The following TESK2 variants were observed in gnomAD, a reference collection of about 807,000 sequenced individuals.
The protein encoded by TESK2 is dual specificity testis-specific protein kinase 2.
Under a neutral mutation model 57.1 loss-of-function variants are expected in TESK2, and 39 were observed. The ratio of observed to expected loss-of-function variants is 0.68; its 90% confidence interval spans 0.53 to 0.89. The LOEUF is 0.89. Among genes scored for constraint, TESK2 ranks in the 40% least tolerant of loss-of-function variants. The pLI, the probability that TESK2 is intolerant of heterozygous loss-of-function variation, is 0.00. For synonymous variants in TESK2, 249 were observed against 267.9 expected (o/e 0.93, Z 0.69); for missense variants, 646 against 732.1 (o/e 0.88, Z 1.36).
intron 3 of TESK2, among the ~76,000 whole-genome samples, chr1:45,408,955 T>C (rs1260146808): frequency 6.6e-6 from 1 of 152,204 alleles, no homozygotes; most frequent in Non-Finnish European, 1.5e-5. Flanking sequence ...GAAATGGGGA[T>C]GTTGACTTTC....
chr1:45,404,249 G>A (rs1053918889), intron 3 of TESK2, among the ~76,000 whole-genome samples: 1 of 152,190 alleles, frequency 6.6e-6, no homozygotes, highest in African/African-American at 2.4e-5. Flanking sequence ...TACTAAGTAT[G>A]TATCAAGCAA....
intron 3 of TESK2, among the ~76,000 whole-genome samples, chr1:45,390,290 T>C (rs1049212914): frequency 6.6e-6 from 1 of 151,972 alleles, no homozygotes; most frequent in Non-Finnish European, 1.5e-5. Flanking sequence ...ATAATAATTG[T>C]ATTTTTTATA....
intron 3 of TESK2, among the ~76,000 whole-genome samples, chr1:45,413,294 T>C (rs1650106871): frequency 6.6e-6 from 1 of 152,058 alleles, no homozygotes; most frequent in Admixed American, 6.6e-5. Context: ...AAGTACTACC[T>C]CTATGACTTA....
At chr1:45,487,522 T>C (rs1456825673) in intron 1 of TESK2, among the ~76,000 whole-genome samples, 3 of 152,200 alleles carry the variant, frequency 2.0e-5, no homozygotes, top group Admixed American at 6.5e-5. Flanking sequence ...TTCAACAGCA[T>C]TGAGACAGTT....
intron 2 of TESK2, among the ~76,000 whole-genome samples, chr1:45,451,329 C>T (rs1240575488): frequency 6.6e-6 from 1 of 152,168 alleles, no homozygotes; most frequent in Admixed American, 6.5e-5. Context: ...GTGTCCATTG[C>T]TACATCCATG....
At chr1:45,369,847 G>A (rs779815151) in intron 4 of TESK2, among the ~76,000 whole-genome samples, 5 of 152,026 alleles carry the variant, frequency 3.3e-5, no homozygotes, top group Admixed American at 1.3e-4. Flanking sequence ...CAGTAGCTGG[G>A]ATTAAAGGTG....
chr1:45,356,564 A>G (rs1647432333), intron 4 of TESK2, among the ~76,000 whole-genome samples: 1 of 151,522 alleles, frequency 6.6e-6, no homozygotes, highest in Non-Finnish European at 1.5e-5. Context: ...GCAGTGAGCT[A>G]AGATCATGCC....
chr1:45,467,263 T>C (rs1277152984), intron 1 of TESK2, among the ~76,000 whole-genome samples: 1 of 152,212 alleles, frequency 6.6e-6, no homozygotes, highest in Non-Finnish European at 1.5e-5. Flanking sequence ...CATTAATTAA[T>C]ATTTGTTAAT....
At chr1:45,452,987 A>C (rs185861222) in intron 2 of TESK2, among the ~76,000 whole-genome samples, 3 of 151,984 alleles carry the variant, frequency 2.0e-5, no homozygotes, top group Admixed American at 2.0e-4. Flanking sequence ...AGGAGGATGC[A>C]GTCAGCTATG....
chr1:45,486,782 TACACACACACACACACAC>T (rs71052887), intron 1 of TESK2, among the ~76,000 whole-genome samples: 1 of 115,866 alleles, frequency 8.6e-6, no homozygotes, highest in Non-Finnish European at 1.6e-5. Flanking sequence ...CCTCCCAGCA[TACACACACACACACACAC>T]ACACACACAC....
chr1:45,353,582 A>T (rs1647293421), intron 5 of TESK2, among the ~76,000 whole-genome samples: 1 of 152,158 alleles, frequency 6.6e-6, no homozygotes, highest in Non-Finnish European at 1.5e-5. Context: ...GAGTATGTGC[A>T]TGCATATGTG....
At chr1:45,358,595 C>A (rs1000160679) in intron 4 of TESK2, among the ~76,000 whole-genome samples, 1 of 151,880 alleles carries the variant, frequency 6.6e-6, no homozygotes, top group Non-Finnish European at 1.5e-5. Flanking sequence ...CTCATTTAAT[C>A]TGCACAATAA....
intron 2 of TESK2, among the ~76,000 whole-genome samples, chr1:45,434,811 T>C (rs1305408831): frequency 6.6e-6 from 1 of 152,142 alleles, no homozygotes; most frequent in Non-Finnish European, 1.5e-5. Flanking sequence ...CTTCACTCTA[T>C]TGTTTCCTTT....
chr1:45,451,904 G>A (rs1021215649), intron 2 of TESK2, among the ~76,000 whole-genome samples: 2 of 151,674 alleles, frequency 1.3e-5, no homozygotes, highest in African/African-American at 4.9e-5. Context: ...ATGATGGCAG[G>A]TGCCTGTAAT....
chr1:45,467,577 G>A (rs567338933), intron 1 of TESK2, among the ~76,000 whole-genome samples: 26 of 151,650 alleles, frequency 1.7e-4, no homozygotes, highest in African/African-American at 4.6e-4. Flanking sequence ...TGATCCGCCC[G>A]CCTTGGCCTC....
intron 5 of TESK2, among the ~76,000 whole-genome samples, chr1:45,352,059 C>G (rs1371435139): frequency 6.6e-6 from 1 of 152,196 alleles, no homozygotes; most frequent in Non-Finnish European, 1.5e-5. Flanking sequence ...TCCGAGCCCT[C>G]TACTGTCCCT....
chr1:45,345,071 C>G lies in TESK2; in HGVS notation c.1485G>C (p.Glu495Asp). 6.2e-7 allele frequency: 1 copy of G among 1,614,214 alleles called. No homozygotes were observed. Among genetic ancestry groups the G allele is most frequent in the South Asian group, 1.1e-5 (1 of 91,086 alleles). Residue 495 changes from glutamate (E) to aspartate (D), a missense_variant, in exon 11 of 11, where the codon GAG becomes GAC. Physicochemically the swap from Glu to Asp is conservative, Grantham distance 45. Coordinates refer to ENST00000372086, the MANE Select transcript of TESK2 (RefSeq NM_007170.3). ...GGGCAGATGCCCGGAATGGTGGGAT[C>G]TCTTTAACTCTGTACTTGAGACTAC... is the stretch of plus-strand genomic sequence containing the variant. The part of the protein sequence containing the change: ...RLSSLKYRVK[E>D]IPPFRASALP...
chr1:45,398,643 T>C, intron 3 of TESK2: 1 of 174,622 alleles, frequency 5.7e-6, no homozygotes, highest in Admixed American at 5.7e-5. Context: ...ACCTCTTCCA[T>C]GATATTAAAA....
At chr1:45,353,680 A>G (rs1647295924) in intron 5 of TESK2, among the ~76,000 whole-genome samples, 1 of 152,220 alleles carries the variant, frequency 6.6e-6, no homozygotes, top group Non-Finnish European at 1.5e-5. Context: ...CCTCCCTAGC[A>G]GACTTTAATT....
Sources: gnomAD v4.1 joint callset for allele counts (sites outside exome capture counted in the v4.1 genomes callset) on GRCh38, gnomAD v4.1.1 for gene constraint, MANE v1.5 for transcripts, NCBI Gene and HGNC (gene_info 2026-07-23, HGNC 2026-07-21) for gene names.